ADAMTS12: variants seen among roughly 807,000 people sequenced by gnomAD.
ADAMTS12 encodes the protein ADAM metallopeptidase with thrombospondin type 1 motif 12.
ADAMTS12 carries 118 observed loss-of-function variants against 167.8 expected under a neutral mutation model. The ratio of observed to expected loss-of-function variants is 0.70; its 90% CI spans 0.61 to 0.82. The LOEUF (loss-of-function observed/expected upper bound fraction) is 0.82, where lower values mean the gene tolerates loss of function less well. Among genes scored for constraint, ADAMTS12 ranks in the 40% least tolerant of loss-of-function variants. The pLI is 0.00. For missense variants in ADAMTS12, 1,916 were observed against 1,998.8 expected, an observed-to-expected ratio of 0.96 and a Z score of 0.79; for synonymous variants, 704 against 716.9, an observed-to-expected ratio of 0.98 and a Z score of 0.29.
At chr5:33,621,302 A>C (rs1190658763) in intron 14 of ADAMTS12, among the ~76,000 whole-genome samples, 1 of 150,988 alleles carries the variant, frequency 6.6e-6, no homozygotes, top group African/African-American at 2.4e-5. Context: ...AGGGAGGCTG[A>C]GGCAGGAGAA....
At position 33,534,930 on chromosome 5, in the gene ADAMTS12, G is replaced by A. The variant is rs564983898; in HGVS notation, c.4509C>T (p.Gly1503=). ...KRTVQCVPSE[G]NKTEDQDQCL... Reference sequence around the variant, plus strand: ...ATTGGTCTTGGTCTTCAGTTTTATTGCCCTCTGAGGGCACACATTGGACAG... The same window carrying A: ...ATTGGTCTTGGTCTTCAGTTTTATTACCCTCTGAGGGCACACATTGGACAG... Residue 1503 remains glycine (G), a synonymous_variant, in exon 23 of 24, where the codon GGC becomes GGT. Coordinates refer to ENST00000504830, the MANE Select transcript of ADAMTS12 (RefSeq NM_030955.4). 38 of 1,613,774 alleles carry A rather than the reference G, an allele frequency of 2.4e-5. No individual in the cohort carries two copies. Among genetic ancestry groups the A allele is most frequent in the Non-Finnish European group, 3.1e-5 (36 of 1,179,984 alleles).
At position 33,527,366 on chromosome 5, in the gene ADAMTS12, T is replaced by A. The variant is rs141702192; in HGVS notation, c.4607A>T (p.Asp1536Val). The change falls in exon 24 of 24, where the codon GAT becomes GTT. Residue 1536 changes from aspartate to valine, a missense_variant and splice_region_variant. Physicochemically the swap from Asp to Val is radical, Grantham distance 152 (BLOSUM62 -3). Transcript: ENST00000504830. ...CAGTTTGTCCTTAGTGCAAAGTAAATCTGTGGAAGGAGAAAAAGAATAAGA... is the reference window on the plus strand; with the variant it reads ...CAGTTTGTCCTTAGTGCAAAGTAAAACTGTGGAAGGAGAAAAAGAATAAGA... Reference protein sequence around the residue: ...CNQQACKKSADLLCTKDKLSA... With the variant: ...CNQQACKKSAVLLCTKDKLSA... The A allele has an allele frequency of 1.9e-5, 31 of 1,612,870 alleles. No homozygotes were observed. Among genetic ancestry groups the A allele is most frequent in the Non-Finnish European group, 5.1e-6 (6 of 1,179,294 alleles).
intron 11 of ADAMTS12, among the ~76,000 whole-genome samples, chr5:33,641,526 T>C (rs1740442020): frequency 1.3e-5 from 2 of 152,222 alleles, no homozygotes. Context: ...TTCACATAGA[T>C]TGCACATTTA....
intron 12 of ADAMTS12, among the ~76,000 whole-genome samples, chr5:33,635,619 A>C (rs1199420612): frequency 6.6e-6 from 1 of 152,020 alleles, no homozygotes; most frequent in Admixed American, 6.6e-5. Context: ...GGGGTAGAAA[A>C]CTCTGCTGTA....
At chr5:33,625,446 T>C (rs1459055481) in intron 13 of ADAMTS12, among the ~76,000 whole-genome samples, 1 of 152,214 alleles carries the variant, frequency 6.6e-6, no homozygotes, top group Admixed American at 6.5e-5. Flanking sequence ...CACCCTCTAA[T>C]AAGCTGACAT....
At chr5:33,531,596 C>G (rs1744105076) in intron 23 of ADAMTS12, among the ~76,000 whole-genome samples, 1 of 152,190 alleles carries the variant, frequency 6.6e-6, no homozygotes, top group South Asian at 2.1e-4. Context: ...AGCTTTGTCT[C>G]TGAGAGAATG....
chr5:33,637,660 G>C lies in ADAMTS12; in HGVS notation c.1805C>G (p.Thr602Arg), dbSNP rs1179437141. The part of the protein sequence containing the change: ...NVHPCRSEAP[T>R]FRQMQCSEFD... ...TTCACTGCACTGCATCTGCCGAAAT[G>C]TTGGTGCCTCTGAGCGACAGGGGTG... The change falls in exon 12 of 24, where the codon ACA (threonine) becomes AGA (arginine). Residue 602 changes from threonine to arginine, a missense_variant. Transcript: ENST00000504830. 1 of 1,613,816 alleles carries C rather than the reference G, an allele frequency of 6.2e-7. No individual in the cohort carries two copies. The highest frequency in any genetic ancestry group is 1.7e-5 in the Admixed American group (1 of 60,018).
In ADAMTS12 at chr5:33,815,044, GGTT is replaced by G. The variant is rs537502930; in HGVS notation, c.490-63499_490-63497del. 2.6e-5 allele frequency among the ~76,000 whole-genome samples: 4 copies of G among 152,264 alleles called. No individual in the cohort carries two copies. The East Asian group carries it at 5.8e-4, about 22-fold the overall frequency. ...CTCAGGTGCTGGGCTTGTCAAGGAG[GGTT>G]GTTGTTGTTATTGTTGTTAAATATG... On this transcript the variant is annotated intron_variant, in intron 2 of 23. Transcript: ENST00000504830.
chr5:33,547,946 T>C (rs2111824649), intron 21 of ADAMTS12, among the ~76,000 whole-genome samples: 1 of 152,146 alleles, frequency 6.6e-6, no homozygotes, highest in Non-Finnish European at 1.5e-5. Flanking sequence ...AGCAGGCACT[T>C]CATGTACTCA....
intron 3 of ADAMTS12, among the ~76,000 whole-genome samples, chr5:33,712,765 T>C (rs1021848247): frequency 6.6e-6 from 1 of 152,136 alleles, no homozygotes; most frequent in Non-Finnish European, 1.5e-5. Context: ...GAGTACTTCT[T>C]GTACAAAGAG....
intron 16 of ADAMTS12, among the ~76,000 whole-genome samples, chr5:33,613,550 C>G (rs1738835703): frequency 6.6e-6 from 1 of 152,186 alleles, no homozygotes; most frequent in South Asian, 2.1e-4. Context: ...TCCCATCTTT[C>G]TTTCCTTACG....
chr5:33,618,417 A>G (rs1018685007), intron 14 of ADAMTS12, among the ~76,000 whole-genome samples: 1 of 152,204 alleles, frequency 6.6e-6, no homozygotes, highest in East Asian at 1.9e-4. Flanking sequence ...TCATTTCTCT[A>G]AAAGTGTTCT....
chr5:33,599,258 C>T (rs532703503), intron 16 of ADAMTS12, among the ~76,000 whole-genome samples: 2 of 152,308 alleles, frequency 1.3e-5, no homozygotes, highest in South Asian at 4.1e-4. Context: ...TGTTATATAC[C>T]AGGAGTAATG....
In ADAMTS12 at chr5:33,524,182, A is replaced by T. The variant is rs1175827296; in HGVS notation, c.*3006T>A. 6.6e-6 allele frequency: 1 copy of T among 152,262 alleles called. No homozygotes were observed. Among genetic ancestry groups the T allele is most frequent in the Non-Finnish European group, 1.5e-5 (1 of 68,034 alleles). The allele number at this position is 152,262 out of a possible 1,614,324, so 9.4% of individuals were successfully genotyped here. A position where few individuals can be genotyped will look rare whatever the true frequency, so the allele number is the denominator to read the frequency against. On this transcript the variant is annotated 3_prime_UTR_variant, in exon 24 of 24. Transcript: ENST00000504830. Reference sequence around the variant, plus strand: ...CGGAGGTGTGCTCTTCTTTAAGAAAACCCATCACAAAACAAAGCATTCCTA... The same window carrying T: ...CGGAGGTGTGCTCTTCTTTAAGAAATCCCATCACAAAACAAAGCATTCCTA...
chr5:33,751,640 C>T (rs1744985976), intron 2 of ADAMTS12, 92 bp from the exon 3 acceptor site: 2 of 1,270,838 alleles, frequency 1.6e-6, no homozygotes, highest in Admixed American at 4.2e-5. Context: ...ATGAGTATCT[C>T]TGAAACTCCT....
At chr5:33,554,683 T>C (rs1745410511) in intron 20 of ADAMTS12, among the ~76,000 whole-genome samples, 1 of 152,224 alleles carries the variant, frequency 6.6e-6, no homozygotes, top group South Asian at 2.1e-4. Flanking sequence ...TATGAAAGTA[T>C]GGTTTGTCTG....
chr5:33,681,923 TA>T (rs894641910), intron 5 of ADAMTS12, among the ~76,000 whole-genome samples: 1 of 152,038 alleles, frequency 6.6e-6, no homozygotes, highest in African/African-American at 2.4e-5. Context: ...GAATTTGTTC[TA>T]AAAAAAACCC....
intron 2 of ADAMTS12, among the ~76,000 whole-genome samples, chr5:33,763,235 T>C (rs1318271937): frequency 6.6e-6 from 1 of 152,152 alleles, no homozygotes; most frequent in African/African-American, 2.4e-5. Context: ...TTAAAAATCT[T>C]GAGATGGGGA....
intron 16 of ADAMTS12, among the ~76,000 whole-genome samples, chr5:33,611,777 T>C (rs867348996): frequency 9.9e-5 from 15 of 152,216 alleles, no homozygotes; most frequent in African/African-American, 2.2e-4. Flanking sequence ...CTATGAAGAT[T>C]ATCTAACACA....
Sources: gnomAD v4.1 joint callset for allele counts (sites outside exome capture counted in the v4.1 genomes callset) on GRCh38, gnomAD v4.1.1 for gene constraint, MANE v1.5 for transcripts, NCBI Gene and HGNC (gene_info 2026-07-23, HGNC 2026-07-21) for gene names.